The following CNTNAP2 variants were observed in gnomAD, a reference collection of about 807,000 sequenced individuals.
The protein encoded by CNTNAP2 is contactin-associated protein-like 2.
CNTNAP2 carries 98 observed loss-of-function variants against 155.2 expected under a neutral mutation model. The ratio of observed to expected loss-of-function variants is 0.63; its 90% CI spans 0.54 to 0.75. The LOEUF is 0.75. CNTNAP2 is among the 30% of genes least tolerant of loss of function. The pLI, the probability that CNTNAP2 is intolerant of heterozygous loss-of-function variation, is 0.00. For synonymous variants in CNTNAP2, 651 were observed against 631.2 expected (o/e 1.03, Z -0.47); for missense variants, 1,727 against 1,688.1 (o/e 1.02, Z -0.40).
intron 1 of CNTNAP2, among the ~76,000 whole-genome samples, chr7:146,725,881 T>TG (rs568947408): frequency 1.1e-4 from 17 of 152,160 alleles, no homozygotes; most frequent in Non-Finnish European, 2.1e-4. Context: ...CCTCTGAATC[T>TG]GGGGGAAGAC....
intron 8 of CNTNAP2, among the ~76,000 whole-genome samples, chr7:147,274,397 C>T (rs1305115546): frequency 6.6e-6 from 1 of 152,024 alleles, no homozygotes; most frequent in Non-Finnish European, 1.5e-5. Context: ...ATTGAGGCTT[C>T]AATTTGCATT....
At chr7:146,931,294 G>A (rs796326893) in intron 3 of CNTNAP2, among the ~76,000 whole-genome samples, 2,384 of 151,740 alleles carry the variant, frequency 0.016, 55 homozygotes, top group African/African-American at 0.055. Flanking sequence ...ACTCAAAACC[G>A]CTCAACTACA....
intron 1 of CNTNAP2, among the ~76,000 whole-genome samples, chr7:146,715,811 T>G (rs937047214): frequency 6.6e-6 from 1 of 152,184 alleles, no homozygotes; most frequent in African/African-American, 2.4e-5. Flanking sequence ...TGGAAAAATA[T>G]GTGAACCACA....
At chr7:147,854,164 T>A (rs1429751950) in intron 13 of CNTNAP2, among the ~76,000 whole-genome samples, 1 of 152,182 alleles carries the variant, frequency 6.6e-6, no homozygotes, top group Non-Finnish European at 1.5e-5. Context: ...AACATAAAAA[T>A]GTGCTTCCTC....
intron 1 of CNTNAP2, among the ~76,000 whole-genome samples, chr7:146,368,712 A>ATTT (rs945872532): frequency 2.6e-5 from 4 of 152,026 alleles, no homozygotes; most frequent in African/African-American, 7.2e-5. Context: ...TCACAAAGTC[A>ATTT]TTTCCTATCC....
chr7:146,524,812 A>G (rs1797664391), intron 1 of CNTNAP2, among the ~76,000 whole-genome samples: 1 of 152,138 alleles, frequency 6.6e-6, no homozygotes, highest in African/African-American at 2.4e-5. Context: ...ATCACATGAA[A>G]TAGTGCTTTC....
intron 1 of CNTNAP2, among the ~76,000 whole-genome samples, chr7:146,254,341 A>G (rs1316435232): frequency 6.6e-6 from 1 of 152,254 alleles, no homozygotes; most frequent in Non-Finnish European, 1.5e-5. Context: ...GTGTATTTCA[A>G]TAAAATAATG....
At chr7:147,408,706 G>A (rs1014463034) in intron 10 of CNTNAP2, among the ~76,000 whole-genome samples, 2 of 152,074 alleles carry the variant, frequency 1.3e-5, no homozygotes, top group Non-Finnish European at 2.9e-5. Flanking sequence ...TGCAGTGAGC[G>A]AAGATTGTGC....
intron 10 of CNTNAP2, among the ~76,000 whole-genome samples, chr7:147,427,205 T>C (rs1017176418): frequency 1.3e-5 from 2 of 152,078 alleles, no homozygotes; most frequent in Non-Finnish European, 2.9e-5. Flanking sequence ...TTTATAAGGA[T>C]GTTAGTCCCA....
chr7:146,226,566 G>A (rs1799296284), intron 1 of CNTNAP2, among the ~76,000 whole-genome samples: 2 of 152,074 alleles, frequency 1.3e-5, no homozygotes, highest in South Asian at 4.1e-4. Context: ...GGCTGAGGTG[G>A]AAAGGATTGC....
chr7:146,410,195 ATGACTGCCTG>A (rs1405305134), intron 1 of CNTNAP2, among the ~76,000 whole-genome samples: 1 of 152,182 alleles, frequency 6.6e-6, no homozygotes, highest in Non-Finnish European at 1.5e-5. Context: ...GCTTGGGCAA[ATGACTGCCTG>A]TGAGCTAAAT....
intron 9 of CNTNAP2, among the ~76,000 whole-genome samples, chr7:147,389,846 C>T (rs1034023937): frequency 1.3e-5 from 2 of 152,070 alleles, no homozygotes; most frequent in Non-Finnish European, 2.9e-5. Flanking sequence ...AAAGATATAA[C>T]AAAAATACGC....
intron 8 of CNTNAP2, among the ~76,000 whole-genome samples, chr7:147,155,777 AG>A (rs1244418275): frequency 1.3e-5 from 2 of 152,118 alleles, no homozygotes; most frequent in African/African-American, 4.8e-5. Flanking sequence ...ATGTAGTAGT[AG>A]TATATATATT....
At chr7:147,839,666 C>G (rs572492565) in intron 13 of CNTNAP2, among the ~76,000 whole-genome samples, 17 of 152,206 alleles carry the variant, frequency 1.1e-4, no homozygotes, top group Non-Finnish European at 2.4e-4. Flanking sequence ...GTGTGACAAC[C>G]AAAATGTCTC....
At chr7:147,876,324 C>T (rs1395226834) in intron 13 of CNTNAP2, among the ~76,000 whole-genome samples, 1 of 152,056 alleles carries the variant, frequency 6.6e-6, no homozygotes, top group Non-Finnish European at 1.5e-5. Context: ...ATTAGTGCTG[C>T]TGTGCGAAAA....
intron 1 of CNTNAP2, among the ~76,000 whole-genome samples, chr7:146,665,131 T>G (rs1800167965): frequency 6.6e-6 from 1 of 152,076 alleles, no homozygotes; most frequent in Non-Finnish European, 1.5e-5. Context: ...GGATTTTTAG[T>G]AGCGACGGGG....
chr7:147,415,167 G>A (rs1237167687), intron 10 of CNTNAP2, among the ~76,000 whole-genome samples: 2 of 151,982 alleles, frequency 1.3e-5, no homozygotes, highest in Non-Finnish European at 2.9e-5. Flanking sequence ...GCATACAATT[G>A]CTTATGCTGA....
chr7:148,003,978 T>A (rs537104185), intron 15 of CNTNAP2, among the ~76,000 whole-genome samples: 50 of 152,340 alleles, frequency 3.3e-4, no homozygotes, highest in Non-Finnish European at 6.2e-4. Flanking sequence ...CTAAGTGATT[T>A]ATTAATTGAT....
intron 8 of CNTNAP2, among the ~76,000 whole-genome samples, chr7:147,258,638 G>GA (rs1438805188): frequency 6.6e-6 from 1 of 152,254 alleles, no homozygotes; most frequent in East Asian, 1.9e-4. Context: ...GCTTATAGGT[G>GA]AAAAAGAGTC....
Sources: gnomAD v4.1 joint callset for allele counts (sites outside exome capture counted in the v4.1 genomes callset) on GRCh38, gnomAD v4.1.1 for gene constraint, MANE v1.5 for transcripts, NCBI Gene and HGNC (gene_info 2026-07-23, HGNC 2026-07-21) for gene names.